SGCZ: variants seen among roughly 807,000 people sequenced by gnomAD.
The protein encoded by SGCZ is zeta-sarcoglycan.
A neutral mutation model predicts 41.3 loss-of-function variants in SGCZ; 40 were observed. The ratio of observed to expected loss-of-function variants is 0.97; its 90% CI spans 0.75 to 1.26. The LOEUF is 1.26. SGCZ is among the 50% of genes most tolerant of loss of function. The pLI is 0.00. For missense variants in SGCZ, 552 were observed against 369.8 expected, an observed-to-expected ratio of 1.49 and a Z score of -4.04; for synonymous variants, 206 against 137.5, an observed-to-expected ratio of 1.50 and a Z score of -3.49.
intron 1 of SGCZ, among the ~76,000 whole-genome samples, chr8:14,789,191 G>A (rs1800870538): frequency 6.6e-6 from 1 of 152,064 alleles, no homozygotes; most frequent in Non-Finnish European, 1.5e-5. Flanking sequence ...ATTTTAAACA[G>A]TGAAGTCATC....
At chr8:15,086,999 A>C (rs1200484895) in intron 1 of SGCZ, among the ~76,000 whole-genome samples, 2 of 152,178 alleles carry the variant, frequency 1.3e-5, no homozygotes, top group Non-Finnish European at 2.9e-5. Flanking sequence ...ATGACATGAC[A>C]CAGAAGAACA....
At chr8:15,104,447 T>G (rs527420332) in intron 1 of SGCZ, among the ~76,000 whole-genome samples, 1 of 152,348 alleles carries the variant, frequency 6.6e-6, no homozygotes, top group African/African-American at 2.4e-5. Flanking sequence ...CTAATATTTT[T>G]ACACTTTAAA....
At chr8:14,729,743 T>G (rs748476417) in intron 1 of SGCZ, among the ~76,000 whole-genome samples, 3 of 152,190 alleles carry the variant, frequency 2.0e-5, no homozygotes, top group Non-Finnish European at 4.4e-5. Context: ...CTGATACATA[T>G]TTATCTGCAA....
intron 1 of SGCZ, among the ~76,000 whole-genome samples, chr8:14,569,546 A>C (rs111547509): frequency 1.3e-5 from 2 of 152,206 alleles, no homozygotes; most frequent in African/African-American, 2.4e-5. Context: ...GAAGCTATGG[A>C]TAGAATAGTG....
intron 1 of SGCZ, among the ~76,000 whole-genome samples, chr8:15,034,522 A>G (rs1373217971): frequency 6.6e-6 from 1 of 152,176 alleles, no homozygotes; most frequent in African/African-American, 2.4e-5. Flanking sequence ...AGAGAGAAAT[A>G]AAGAGGTAGA....
chr8:15,133,837 G>A (rs959107147), intron 1 of SGCZ, among the ~76,000 whole-genome samples: 4 of 152,028 alleles, frequency 2.6e-5, no homozygotes, highest in Non-Finnish European at 2.9e-5. Flanking sequence ...TTTCAGATTT[G>A]TGAAAAAAAC....
chr8:15,009,600 A>G (rs550209580), intron 1 of SGCZ, among the ~76,000 whole-genome samples: 6 of 152,308 alleles, frequency 3.9e-5, no homozygotes, highest in African/African-American at 1.4e-4. Context: ...CATGGAAAAA[A>G]ACTCCAGTTA....
intron 4 of SGCZ, among the ~76,000 whole-genome samples, chr8:14,207,011 GT>G (rs1160553639): frequency 6.6e-6 from 1 of 152,046 alleles, no homozygotes; most frequent in Non-Finnish European, 1.5e-5. Context: ...ATTTTCTGAC[GT>G]TTTTGTGGAG....
chr8:15,013,588 C>T (rs1473918349), intron 1 of SGCZ, among the ~76,000 whole-genome samples: 1 of 152,066 alleles, frequency 6.6e-6, no homozygotes, highest in African/African-American at 2.4e-5. Context: ...ATGTGAAAGG[C>T]TGCATGGTGT....
intron 1 of SGCZ, among the ~76,000 whole-genome samples, chr8:14,903,465 A>G (rs1462912197): frequency 1.3e-5 from 2 of 152,098 alleles, no homozygotes; most frequent in African/African-American, 2.4e-5. Context: ...AAAAAAAGTA[A>G]ATGCAAATGG....
At chr8:15,034,699 C>T (rs1402444985) in intron 1 of SGCZ, among the ~76,000 whole-genome samples, 1 of 152,042 alleles carries the variant, frequency 6.6e-6, no homozygotes, top group Non-Finnish European at 1.5e-5. Context: ...AGAGAGGACC[C>T]TGAAAGCAGC....
At position 14,403,115 on chromosome 8, in the gene SGCZ, C is replaced by T. The variant is rs1208712614; in HGVS notation, c.235-78911G>A. 2.0e-5 allele frequency among the ~76,000 whole-genome samples: 3 copies of T among 149,972 alleles called. 1 individual carries two copies. The highest frequency in any genetic ancestry group is 1.9e-4 in the East Asian group (1 of 5,186). On this transcript the variant is annotated intron_variant, in intron 2 of 7. Transcript: ENST00000382080. ...TGTCTGCTGTTGGTGTATAAGAATG[C>T]TTGTGATTTTTGTACATTGATTTTG...
chr8:15,099,939 A>G (rs1806538541), intron 1 of SGCZ, among the ~76,000 whole-genome samples: 1 of 113,762 alleles, frequency 8.8e-6, no homozygotes, highest in East Asian at 2.5e-4. Context: ...AATTAGGAAT[A>G]AAAGGGAACT....
At chr8:14,449,018 C>G (rs973575714) in intron 2 of SGCZ, among the ~76,000 whole-genome samples, 6 of 152,152 alleles carry the variant, frequency 3.9e-5, no homozygotes, top group Non-Finnish European at 7.3e-5. Flanking sequence ...ACATTCCAGA[C>G]AAACAGATAG....
At chr8:14,189,082 C>T (rs1805008037) in intron 4 of SGCZ, among the ~76,000 whole-genome samples, 1 of 149,716 alleles carries the variant, frequency 6.7e-6, no homozygotes, top group South Asian at 2.1e-4. Context: ...TGGTCTTGAA[C>T]TCCTGACCTC....
chr8:14,241,440 AATAT>A (rs1043647965), intron 3 of SGCZ, among the ~76,000 whole-genome samples: 4 of 148,612 alleles, frequency 2.7e-5, no homozygotes, highest in African/African-American at 9.8e-5. Context: ...AGCTAGTATA[AATAT>A]ATAAACAATA....
intron 4 of SGCZ, among the ~76,000 whole-genome samples, chr8:14,180,865 C>T (rs1804699454): frequency 1.3e-5 from 2 of 151,684 alleles, no homozygotes; most frequent in South Asian, 4.2e-4. Flanking sequence ...ACAGTGCCCC[C>T]ATACTAGATT....
chr8:15,189,030 A>T lies in SGCZ; in HGVS notation c.39+48555T>A, dbSNP rs191597156. On this transcript the variant is annotated intron_variant, in intron 1 of 7. Transcript: ENST00000382080. Reference sequence around the variant, plus strand: ...TGCTCACAGAGATGGAAGAAACCATAAAACTATTAAAAGCTTGGTACACAG... The same window carrying T: ...TGCTCACAGAGATGGAAGAAACCATTAAACTATTAAAAGCTTGGTACACAG... Among the ~76,000 whole-genome samples, 4 of 152,348 alleles carry T rather than the reference A, an allele frequency of 2.6e-5. No homozygotes were observed. The South Asian group carries it at 8.3e-4, about 32-fold the overall frequency.
intron 1 of SGCZ, among the ~76,000 whole-genome samples, chr8:15,123,473 G>C (rs1031362468): frequency 3.3e-5 from 5 of 152,136 alleles, no homozygotes; most frequent in Non-Finnish European, 5.9e-5. Context: ...TAGACTATTA[G>C]ACCAGAGGAG....
Sources: allele counts gnomAD v4.1 joint callset (sites outside exome capture counted in the v4.1 genomes callset), GRCh38; gene constraint gnomAD v4.1.1; transcripts MANE v1.5; gene names NCBI Gene and HGNC (gene_info 2026-07-23, HGNC 2026-07-21).